NEDD1: variants seen among roughly 807,000 people sequenced by gnomAD.
NEDD1 encodes the protein NEDD1 gamma-tubulin ring complex targeting factor.
A neutral mutation model predicts 74.0 loss-of-function variants in NEDD1; 33 were observed. That is an observed-to-expected ratio of 0.45 (90% CI 0.34 to 0.60). The LOEUF (loss-of-function observed/expected upper bound fraction) is 0.60, where lower values mean the gene tolerates loss of function less well. NEDD1 is among the 20% of genes least tolerant of loss of function. The pLI, the probability that NEDD1 is intolerant of heterozygous loss-of-function variation, is 0.01. For missense variants in NEDD1, 746 were observed against 776.5 expected (o/e 0.96, Z 0.47); for synonymous variants, 250 against 264.4 (o/e 0.95, Z 0.53).
At chr12:96,940,292 T>G (rs971317638) in intron 9 of NEDD1, 117 bp from the exon 10 acceptor site, 1 of 531,532 alleles carries the variant, frequency 1.9e-6, no homozygotes, top group Non-Finnish European at 3.3e-6. Flanking sequence ...ATTCTCCTTA[T>G]GCTCATAGTT....
intron 6 of NEDD1, among the ~76,000 whole-genome samples, chr12:96,925,588 T>G (rs1300504599): frequency 6.6e-6 from 1 of 152,190 alleles, no homozygotes; most frequent in East Asian, 1.9e-4. Context: ...GAAAAGCTTC[T>G]GGAAACTTTA....
intron 6 of NEDD1, among the ~76,000 whole-genome samples, chr12:96,927,439 G>C (rs1274809578): frequency 6.6e-6 from 1 of 152,232 alleles, no homozygotes. Context: ...CTCCCGGGCT[G>C]ACAGACTACT....
chr12:96,907,408 C>T (rs1287497193), intron 1 of NEDD1, 108 bp downstream of exon 1: 3 of 522,964 alleles, frequency 5.7e-6, no homozygotes, highest in Non-Finnish European at 1.0e-5. Flanking sequence ...GGCGGCGGTC[C>T]TTGGGCTTTG....
chr12:96,932,459 A>ATATAT (rs1471701288), intron 6 of NEDD1, among the ~76,000 whole-genome samples: 6 of 12,068 alleles, frequency 5.0e-4, no homozygotes, highest in Admixed American at 1.6e-3. Context: ...AAAAAAAAAA[A>ATATAT]AAAAATATAT....
At chr12:96,927,527 T>G (rs1432115690) in intron 6 of NEDD1, among the ~76,000 whole-genome samples, 3 of 152,242 alleles carry the variant, frequency 2.0e-5, no homozygotes, top group African/African-American at 7.2e-5. Flanking sequence ...GTTATCTTTC[T>G]CAAGCTGCAG....
intron 3 of NEDD1, 181 bp from the exon 4 acceptor site, chr12:96,912,542 G>A (rs532071628): frequency 2.1e-5 from 9 of 431,706 alleles, no homozygotes; most frequent in Non-Finnish European, 3.7e-5. Flanking sequence ...TGCAGTAGTA[G>A]CAAAGAGAAT....
chr12:96,942,527 A>G (rs960467428), intron 10 of NEDD1, 50 bp from the exon 11 acceptor site: 2 of 887,624 alleles, frequency 2.3e-6, no homozygotes, highest in African/African-American at 1.7e-5. Flanking sequence ...CTAAATTGAT[A>G]TGGTTTCTTT....
At chr12:96,911,439 T>C (rs1055778972) in intron 3 of NEDD1, among the ~76,000 whole-genome samples, 3 of 152,226 alleles carry the variant, frequency 2.0e-5, no homozygotes, top group Non-Finnish European at 1.5e-5. Context: ...TACAGTCTTA[T>C]TCTTAATAAG....
intron 4 of NEDD1, 147 bp downstream of exon 4, chr12:96,912,964 A>C: frequency 1.8e-6 from 1 of 551,988 alleles, no homozygotes; most frequent in Non-Finnish European, 3.2e-6. Context: ...TAACACTTAA[A>C]AATGAGATAT....
At chr12:96,932,980 A>G (rs1164614993) in intron 6 of NEDD1, among the ~76,000 whole-genome samples, 3 of 149,594 alleles carry the variant, frequency 2.0e-5, no homozygotes, top group East Asian at 2.0e-4. Flanking sequence ...TGAAGGGAAC[A>G]TTTATCATTA....
In NEDD1 at chr12:96,952,921, G is replaced by A. The variant is rs774941776; in HGVS notation, c.*868G>A. 1 of 150,830 alleles carries A rather than the reference G, an allele frequency of 6.6e-6. No homozygotes were observed. Among genetic ancestry groups the A allele is most frequent in the Admixed American group, 6.6e-5 (1 of 15,144 alleles). The allele number at this position is 150,830 out of a possible 1,614,324, so 9.3% of individuals were successfully genotyped here. A position where few individuals can be genotyped will look rare whatever the true frequency, so the allele number is the denominator to read the frequency against. ...GAAGCTTGGATTATTTTATTTTGTG[G>A]TCTTTATCATTAACTTTAATTCTTT... On this transcript the variant is annotated 3_prime_UTR_variant, in exon 16 of 16. Transcript: ENST00000266742.
At chr12:96,926,864 A>G (rs1391484139) in intron 6 of NEDD1, among the ~76,000 whole-genome samples, 1 of 151,712 alleles carries the variant, frequency 6.6e-6, no homozygotes, top group Non-Finnish European at 1.5e-5. Context: ...GTGCGCGCCT[A>G]TAGTCCTAGC....
chr12:96,938,086 T>G (rs150286959), intron 9 of NEDD1, among the ~76,000 whole-genome samples: 2 of 152,092 alleles, frequency 1.3e-5, no homozygotes, highest in Non-Finnish European at 2.9e-5. Flanking sequence ...CCATGTCTTT[T>G]AAATTTTTCA....
Position 96,937,227 on chromosome 12 carries a change from G to C in NEDD1, c.951G>C (p.Lys317Asn). 1 of 1,608,826 alleles carries C rather than the reference G, an allele frequency of 6.2e-7. No homozygotes were observed. Reference protein sequence around the residue: ...KSSLNKGCSNKPTTVNKRSVN... With the variant: ...KSSLNKGCSNNPTTVNKRSVN... ...GTTTAAATAAAGGCTGTTCAAATAA[G>C]CCCACAACAGTGAACAAACGAAGTG... Residue 317 changes from lysine (K) to asparagine (N), a missense_variant, in exon 9 of 16, where the codon AAG becomes AAC. This residue lies in a region of NEDD1 where 706 missense variants were observed against 706.7 expected (regional missense o/e 1.00). Transcript: ENST00000266742.
At chr12:96,932,463 A>T (rs71440804) in intron 6 of NEDD1, among the ~76,000 whole-genome samples, 370 of 9,108 alleles carry the variant, frequency 0.041, 34 homozygotes, top group Non-Finnish European at 0.06. Context: ...AAAAAAAAAA[A>T]ATATATATAT....
chr12:96,909,632 C>G (rs1383252446), intron 2 of NEDD1, 120 bp from the exon 3 acceptor site: 10 of 746,882 alleles, frequency 1.3e-5, no homozygotes, highest in Admixed American at 8.4e-5. Flanking sequence ...TTGGTGACTG[C>G]ACTGTTTGGA....
At chr12:96,935,273 G>A in intron 7 of NEDD1, 68 bp downstream of exon 7, 1 of 954,614 alleles carries the variant, frequency 1.0e-6, no homozygotes, top group East Asian at 2.4e-5. Flanking sequence ...AGGCATATTT[G>A]TGATTTATAT....
At chr12:96,930,449 A>C (rs1876330355) in intron 6 of NEDD1, among the ~76,000 whole-genome samples, 1 of 152,174 alleles carries the variant, frequency 6.6e-6, no homozygotes, top group Non-Finnish European at 1.5e-5. Context: ...CTTCTCCTAG[A>C]GTAGATGTGC....
chr12:96,936,448 G>C (rs943048709), intron 7 of NEDD1, among the ~76,000 whole-genome samples, 163 bp from the exon 8 acceptor site: 2 of 152,210 alleles, frequency 1.3e-5, no homozygotes, highest in African/African-American at 4.8e-5. Context: ...ATGTCTCTAA[G>C]TCAAATTCTG....
Sources: gnomAD v4.1 joint callset for allele counts (sites outside exome capture counted in the v4.1 genomes callset) on GRCh38, gnomAD v4.1.1 for gene constraint, gnomAD v4.1.1 regional missense constraint, MANE v1.5 for transcripts, NCBI Gene and HGNC (gene_info 2026-07-23, HGNC 2026-07-21) for gene names.